Variants in OLFM4 observed in about 807,000 individuals in gnomAD.
OLFM4 encodes the protein olfactomedin-4.
Under a neutral mutation model 25.5 loss-of-function variants are expected in OLFM4, and 22 were observed. That is an observed-to-expected ratio of 0.86 (90% confidence interval 0.62 to 1.23). The LOEUF is 1.23. Among genes scored for constraint, OLFM4 ranks in the 50% most tolerant of loss-of-function variants. OLFM4 has a pLI of 0.00. For missense variants in OLFM4, 594 were observed against 619.4 expected (o/e 0.96, Z 0.44); for synonymous variants, 255 against 237.7 (o/e 1.07, Z -0.67).
At chr13:53,042,376 G>C (rs1954692503) in intron 3 of OLFM4, among the ~76,000 whole-genome samples, 1 of 152,182 alleles carries the variant, frequency 6.6e-6, no homozygotes, top group Non-Finnish European at 1.5e-5. Flanking sequence ...AGAATAAAAT[G>C]CCCTTTCAAC....
chr13:53,044,903 T>C (rs1156974907), intron 4 of OLFM4, among the ~76,000 whole-genome samples: 2 of 152,150 alleles, frequency 1.3e-5, no homozygotes, highest in East Asian at 3.9e-4. Context: ...CAAATCCTCC[T>C]CATGGAATAG....
Position 53,050,476 on chromosome 13 carries a change from CCA to C in OLFM4, c.1242_1243del (p.Leu415SerfsTer12), listed in dbSNP as rs1311302458. ...ATGGTGATTAGTAAACTCAATGACA[CCA>C]CACTTCAGGTGCTAAACACTTGGTA... On this transcript the variant is annotated frameshift_variant, in exon 5 of 5. Transcript: ENST00000219022. LOFTEE classifies it high-confidence loss of function. 2 of 1,613,920 alleles carry C rather than the reference CCA, an allele frequency of 1.2e-6. No individual in the cohort carries two copies. Among genetic ancestry groups the C allele is most frequent in the Admixed American group, 3.3e-5 (2 of 59,980 alleles).
chr13:53,038,224 C>T (rs1467427553), intron 2 of OLFM4, among the ~76,000 whole-genome samples: 1 of 152,126 alleles, frequency 6.6e-6, no homozygotes, highest in East Asian at 1.9e-4. Context: ...CACTCGCCCA[C>T]CCCCCAGTTA....
intron 1 of OLFM4, 112 bp downstream of exon 1, chr13:53,029,152 G>A (rs1954614818): frequency 2.7e-6 from 4 of 1,474,358 alleles, no homozygotes; most frequent in African/African-American, 2.8e-5. Context: ...AAAGATTTAC[G>A]ACTCATTTTG....
chr13:53,035,393 G>C (rs756485870), intron 2 of OLFM4, among the ~76,000 whole-genome samples: 8 of 152,032 alleles, frequency 5.3e-5, no homozygotes, highest in Non-Finnish European at 1.0e-4. Flanking sequence ...CATGCAATGC[G>C]TAATAATCAC....
At chr13:53,042,901 T>A (rs1954694984) in intron 3 of OLFM4, among the ~76,000 whole-genome samples, 3 of 152,184 alleles carry the variant, frequency 2.0e-5, no homozygotes, top group Non-Finnish European at 4.4e-5. Context: ...TCTTTGCCAT[T>A]TTCTTCTTGT....
At chr13:53,041,098 C>T (rs1161308511) in intron 2 of OLFM4, among the ~76,000 whole-genome samples, 1 of 152,108 alleles carries the variant, frequency 6.6e-6, no homozygotes, top group African/African-American at 2.4e-5. Flanking sequence ...AACTATTATT[C>T]AACCTAGCAA....
intron 4 of OLFM4, among the ~76,000 whole-genome samples, chr13:53,043,890 C>T (rs76198384): frequency 0.01 from 1,580 of 152,168 alleles, 30 homozygotes; most frequent in African/African-American, 0.036. Context: ...GTGGCATGTT[C>T]GTCTTTAATG....
chr13:53,047,117 A>T (rs1318737474), intron 4 of OLFM4, among the ~76,000 whole-genome samples: 2 of 152,206 alleles, frequency 1.3e-5, no homozygotes, highest in Non-Finnish European at 2.9e-5. Context: ...AAATGATTCA[A>T]TGGTCTTTCA....
Position 53,050,754 on chromosome 13 carries a change from T to C in OLFM4, c.1516T>C (p.Leu506=), listed in dbSNP as rs34185719. ...CCTTCTGAATTATGATCTTTCTGTC[T>C]TGCAGAAGCCCCAGTAAGCTGTTTA... ...GYLLNYDLSV[L]QKPQ is the part of the protein sequence containing the mutation. The change falls in exon 5 of 5, where the codon TTG becomes CTG. Residue 506 remains leucine, a synonymous_variant. Transcript: ENST00000219022. The C allele has an allele frequency of 3.7e-5, 59 of 1,596,958 alleles. No individual in the cohort carries two copies. In the Middle Eastern group the frequency reaches 8.4e-4, roughly 23 times the overall value.
intron 4 of OLFM4, among the ~76,000 whole-genome samples, chr13:53,048,587 A>G (rs188368010): frequency 3.5e-4 from 53 of 152,290 alleles, no homozygotes; most frequent in Non-Finnish European, 7.2e-4. Context: ...GGGTCTTTCC[A>G]TATTGGACAC....
chr13:53,034,738 G>A (rs1954648860), intron 2 of OLFM4, among the ~76,000 whole-genome samples: 2 of 152,168 alleles, frequency 1.3e-5, no homozygotes, highest in African/African-American at 4.8e-5. Context: ...ACTCACTATA[G>A]TATTGTGGTA....
At chr13:53,044,302 C>A (rs1238444361) in intron 4 of OLFM4, among the ~76,000 whole-genome samples, 1 of 152,150 alleles carries the variant, frequency 6.6e-6, no homozygotes, top group African/African-American at 2.4e-5. Flanking sequence ...GTGTTCAGCC[C>A]CATCCTTTAG....
At chr13:53,036,560 G>T (rs1424791720) in intron 2 of OLFM4, among the ~76,000 whole-genome samples, 1 of 152,102 alleles carries the variant, frequency 6.6e-6, no homozygotes, top group East Asian at 1.9e-4. Context: ...GACAGATAGG[G>T]AAGAAGTGCA....
At chr13:53,035,392 C>T (rs1281507954) in intron 2 of OLFM4, among the ~76,000 whole-genome samples, 5 of 152,130 alleles carry the variant, frequency 3.3e-5, no homozygotes, top group African/African-American at 7.2e-5. Context: ...GCATGCAATG[C>T]GTAATAATCA....
intron 4 of OLFM4, among the ~76,000 whole-genome samples, chr13:53,048,737 G>A (rs1343611): frequency 0.74 from 112,282 of 152,058 alleles, 42,393 homozygotes; most frequent in African/African-American, 0.89. Context: ...AAGTATTTCA[G>A]GCCAAATCCA....
intron 2 of OLFM4, among the ~76,000 whole-genome samples, chr13:53,037,256 T>C (rs1296629933): frequency 1.3e-5 from 2 of 152,186 alleles, no homozygotes; most frequent in Non-Finnish European, 2.9e-5. Flanking sequence ...GGTATGTCCT[T>C]TTGTGACTAT....
At chr13:53,034,641 A>G (rs1400265831) in intron 2 of OLFM4, 141 bp downstream of exon 2, 24 of 765,346 alleles carry the variant, frequency 3.1e-5, no homozygotes, top group Non-Finnish European at 4.7e-5. Flanking sequence ...TATTTATTTT[A>G]TAGGACACCA....
At chr13:53,034,231 T>G in intron 1 of OLFM4, 117 bp from the exon 2 acceptor site, 1 of 883,602 alleles carries the variant, frequency 1.1e-6, no homozygotes, top group Non-Finnish European at 1.8e-6. Flanking sequence ...TTCATTTATG[T>G]ATTGGACTCC....
Sources: allele counts gnomAD v4.1 joint callset (sites outside exome capture counted in the v4.1 genomes callset), GRCh38; gene constraint gnomAD v4.1.1; transcripts MANE v1.5; gene names NCBI Gene and HGNC (gene_info 2026-07-23, HGNC 2026-07-21).